RBFOX1: variants seen among roughly 807,000 people sequenced by gnomAD.
RBFOX1 encodes RNA binding protein fox-1 homolog 1.
In RBFOX1, 8 loss-of-function variants were observed where a neutral mutation model predicts 57.7. The ratio of observed to expected loss-of-function variants is 0.14; its 90% CI spans 0.08 to 0.25. The LOEUF (loss-of-function observed/expected upper bound fraction) is 0.25. Among genes scored for constraint, RBFOX1 ranks in the 10% least tolerant of loss-of-function variants. The pLI, the probability that RBFOX1 is intolerant of heterozygous loss-of-function variation, is 1.00. For missense variants in RBFOX1, 611 were observed against 548.5 expected (o/e 1.11, Z -1.14); for synonymous variants, 326 against 222.4 (o/e 1.47, Z -4.15).
At chr16:7,225,375 T>C (rs1185525805) in intron 4 of RBFOX1, among the ~76,000 whole-genome samples, 1 of 152,098 alleles carries the variant, frequency 6.6e-6, no homozygotes, top group East Asian at 1.9e-4. Context: ...TGAGATCTGA[T>C]GGTTTTGTAA....
At chr16:6,244,366 T>C (rs2097557332) in intron 1 of RBFOX1, among the ~76,000 whole-genome samples, 2 of 152,160 alleles carry the variant, frequency 1.3e-5, no homozygotes, top group South Asian at 2.1e-4. Context: ...CTGCAGTCTT[T>C]GTTCCAGGGA....
intron 3 of RBFOX1, among the ~76,000 whole-genome samples, chr16:6,887,660 C>A (rs1003653612): frequency 7.8e-5 from 11 of 141,022 alleles, no homozygotes; most frequent in African/African-American, 3.3e-4. Context: ...GCTGTCTTTC[C>A]ATAGTCATTT....
At chr16:6,104,799 T>A (rs1264322534) in intron 1 of RBFOX1, among the ~76,000 whole-genome samples, 1 of 152,180 alleles carries the variant, frequency 6.6e-6, no homozygotes, top group African/African-American at 2.4e-5. Flanking sequence ...TCGGAAAACA[T>A]TATGCACATA....
chr16:7,157,686 T>A (rs993007677), intron 4 of RBFOX1, among the ~76,000 whole-genome samples: 1 of 152,128 alleles, frequency 6.6e-6, no homozygotes, highest in Non-Finnish European at 1.5e-5. Flanking sequence ...CCATAGCCAC[T>A]CTACATGCAG....
rs375973210 is a variant in RBFOX1 at position 7,496,760 on chromosome 16, C to A, written c.28-21387C>A. On this transcript the variant is annotated intron_variant, in intron 4 of 15. Coordinates refer to ENST00000550418, the MANE Select transcript of RBFOX1 (RefSeq NM_018723.4). ...GACTACAGAACAGAAAAAAAAAAAA[C>A]AGTTTGCATTGTGTAATTGCTCCAA... is the stretch of plus-strand genomic sequence containing the variant. Among the ~76,000 whole-genome samples, 310 of 69,428 alleles carry A rather than the reference C, an allele frequency of 4.5e-3. 1 individual carries two copies. The highest frequency in any genetic ancestry group is 0.011 in the African/African-American group (212 of 19,790). 45.5% of individuals were successfully genotyped at this position (69,428 alleles called of 152,430 possible).
At chr16:5,871,904 C>G (rs1025687926) in intron 4 of RBFOX1, among the ~76,000 whole-genome samples, 2 of 152,170 alleles carry the variant, frequency 1.3e-5, no homozygotes, top group African/African-American at 4.8e-5. Context: ...TATTACAGCT[C>G]TGCTATCCCA....
At chr16:5,990,570 C>T (rs2060375526) in intron 4 of RBFOX1, among the ~76,000 whole-genome samples, 1 of 152,062 alleles carries the variant, frequency 6.6e-6, no homozygotes, top group Non-Finnish European at 1.5e-5. Context: ...AATAGGAGGA[C>T]AAGGAGAAGG....
chr16:5,414,650 C>G (rs535819528), intron 1 of RBFOX1, among the ~76,000 whole-genome samples: 25 of 152,280 alleles, frequency 1.6e-4, no homozygotes, highest in African/African-American at 5.8e-4. Flanking sequence ...CCCAATATTT[C>G]CATGTGATTC....
rs537924837 is a variant in RBFOX1, at chr16:6,846,411, A to T, written c.-16+191761A>T. On this transcript the variant is annotated intron_variant, in intron 3 of 15. Transcript: ENST00000550418. Reference sequence around the variant, plus strand: ...GAAAAGCAGGCCTTTTCCAGTAAGAACATGGACAAGGACAAACAAGAGACT... The same window carrying T: ...GAAAAGCAGGCCTTTTCCAGTAAGATCATGGACAAGGACAAACAAGAGACT... 3.9e-5 allele frequency among the ~76,000 whole-genome samples: 6 copies of T among 152,332 alleles called. No individual in the cohort carries two copies. In the East Asian group the frequency reaches 1.2e-3, roughly 29 times the overall value.
At chr16:6,710,091 G>C (rs2063460049) in intron 3 of RBFOX1, among the ~76,000 whole-genome samples, 1 of 152,080 alleles carries the variant, frequency 6.6e-6, no homozygotes, top group South Asian at 2.1e-4. Flanking sequence ...GTGGGGTATT[G>C]GGGAGGGAAC....
At chr16:6,687,786 C>A (rs1037895844) in intron 3 of RBFOX1, among the ~76,000 whole-genome samples, 1 of 152,182 alleles carries the variant, frequency 6.6e-6, no homozygotes, top group African/African-American at 2.4e-5. Context: ...CATGACACTC[C>A]TCTTACTCCC....
At chr16:6,153,771 G>A (rs1474845814) in intron 1 of RBFOX1, among the ~76,000 whole-genome samples, 6 of 152,000 alleles carry the variant, frequency 3.9e-5, no homozygotes, top group Non-Finnish European at 7.4e-5. Flanking sequence ...CCTGACCTCA[G>A]GTGATCTGCC....
chr16:5,913,677 G>A (rs747721603), intron 4 of RBFOX1, among the ~76,000 whole-genome samples: 4 of 152,186 alleles, frequency 2.6e-5, no homozygotes, highest in Non-Finnish European at 5.9e-5. Context: ...CTGTAGCAAT[G>A]CAAAACAGGC....
chr16:6,814,093 C>T (rs1004200813), intron 3 of RBFOX1, among the ~76,000 whole-genome samples: 1 of 152,062 alleles, frequency 6.6e-6, no homozygotes, highest in African/African-American at 2.4e-5. Context: ...CTCATTTGTC[C>T]CTACTTTATT....
chr16:5,446,664 A>T (rs1597099456), intron 1 of RBFOX1, among the ~76,000 whole-genome samples: 1 of 151,946 alleles, frequency 6.6e-6, no homozygotes, highest in African/African-American at 2.4e-5. Flanking sequence ...GTGAGAGGGG[A>T]TCGCTGTGAT....
chr16:6,281,049 AG>A (rs950897752), intron 1 of RBFOX1, among the ~76,000 whole-genome samples: 1 of 149,362 alleles, frequency 6.7e-6, no homozygotes, highest in Non-Finnish European at 1.5e-5. Context: ...ATCAACATGC[AG>A]GTCTGCTTTG....
intron 1 of RBFOX1, among the ~76,000 whole-genome samples, chr16:5,381,166 C>T (rs973479996): frequency 6.6e-6 from 1 of 152,084 alleles, no homozygotes; most frequent in African/African-American, 2.4e-5. Flanking sequence ...GGTCCTGGCT[C>T]TTTGTATTTG....
At chr16:7,043,886 T>G (rs185429240) in intron 3 of RBFOX1, among the ~76,000 whole-genome samples, 27 of 152,292 alleles carry the variant, frequency 1.8e-4, no homozygotes, top group Non-Finnish European at 1.5e-4. Context: ...TCTGAATATA[T>G]TTTTTTCATT....
In RBFOX1 at chr16:7,613,955, T is replaced by A. The variant is rs192684387; in HGVS notation, c.676+6617T>A. On this transcript the variant is annotated intron_variant, in intron 10 of 15. Transcript: ENST00000550418. ...TGATTTGGCTATAAAAAGTCCTAGG[T>A]ATAAAGCATGCCCTGTTTGGGATGA... 1.8e-3 allele frequency among the ~76,000 whole-genome samples: 273 copies of A among 152,290 alleles called. 2 individuals carry two copies. Among genetic ancestry groups the A allele is most frequent in the Middle Eastern group, 3.4e-3 (1 of 294 alleles).
Sources: gnomAD v4.1 joint callset for allele counts (sites outside exome capture counted in the v4.1 genomes callset) on GRCh38, gnomAD v4.1.1 for gene constraint, MANE v1.5 for transcripts, NCBI Gene and HGNC (gene_info 2026-07-23, HGNC 2026-07-21) for gene names.